The following MTHFD1L variants were observed in gnomAD, a reference collection of about 807,000 sequenced individuals.
The protein encoded by MTHFD1L is monofunctional C1-tetrahydrofolate synthase, mitochondrial.
Under a neutral mutation model 119.5 loss-of-function variants are expected in MTHFD1L, and 81 were observed. The ratio of observed to expected loss-of-function variants is 0.68; its 90% CI spans 0.57 to 0.82. The LOEUF (loss-of-function observed/expected upper bound fraction) is 0.82, where lower values mean the gene tolerates loss of function less well. Ranked by LOEUF, MTHFD1L falls within the 40% of genes least tolerant of loss-of-function variation. MTHFD1L has a pLI of 0.00. For synonymous variants in MTHFD1L, 430 were observed against 475.2 expected, an observed-to-expected ratio of 0.90 and a Z score of 1.24; for missense variants, 1,125 against 1,253.4, an observed-to-expected ratio of 0.90 and a Z score of 1.55.
intron 20 of MTHFD1L, among the ~76,000 whole-genome samples, chr6:150,988,959 C>T (rs924444140): frequency 2.0e-5 from 3 of 152,110 alleles, no homozygotes; most frequent in Admixed American, 6.6e-5. Flanking sequence ...AGGCTGGTGT[C>T]GAACTCCTGA....
At chr6:151,022,258 G>T (rs1421977945) in intron 24 of MTHFD1L, 1 of 322,856 alleles carries the variant, frequency 3.1e-6, no homozygotes, top group East Asian at 7.8e-5. Flanking sequence ...TCTTGAAAAT[G>T]CCAGCTGGAA....
intron 1 of MTHFD1L, among the ~76,000 whole-genome samples, chr6:150,868,923 G>A (rs1583276980): frequency 6.6e-6 from 1 of 152,128 alleles, no homozygotes; most frequent in South Asian, 2.1e-4. Flanking sequence ...AATTAACTGG[G>A]CGTGGCGCGT....
At chr6:151,062,331 G>T (rs1179546680) in intron 26 of MTHFD1L, among the ~76,000 whole-genome samples, 2 of 152,112 alleles carry the variant, frequency 1.3e-5, no homozygotes, top group Non-Finnish European at 2.9e-5. Flanking sequence ...CCAGCTACTC[G>T]GGAGGCTGAG....
chr6:151,042,601 G>A (rs1787297231), intron 26 of MTHFD1L, among the ~76,000 whole-genome samples: 1 of 152,110 alleles, frequency 6.6e-6, no homozygotes, highest in Non-Finnish European at 1.5e-5. Context: ...TCTTTGTCTT[G>A]TGGTCACATG....
chr6:150,934,695 G>A (rs1791740607), intron 11 of MTHFD1L, among the ~76,000 whole-genome samples: 1 of 152,162 alleles, frequency 6.6e-6, no homozygotes. Context: ...GATTGGTTGT[G>A]GTTGAGTATC....
chr6:150,947,161 G>A (rs1454369250), intron 15 of MTHFD1L, among the ~76,000 whole-genome samples: 1 of 149,098 alleles, frequency 6.7e-6, no homozygotes. Context: ...GCAATGGCAC[G>A]ATCTCGGCTC....
At chr6:150,960,198 TG>T in intron 17 of MTHFD1L, 76 bp from the exon 18 acceptor site, 1 of 1,515,124 alleles carries the variant, frequency 6.6e-7, no homozygotes, top group Non-Finnish European at 8.8e-7. Flanking sequence ...GCTTCATGGC[TG>T]AAGTCCAGCT....
chr6:150,914,663 T>C (rs1156855850), intron 8 of MTHFD1L, among the ~76,000 whole-genome samples: 1 of 152,172 alleles, frequency 6.6e-6, no homozygotes, highest in Admixed American at 6.5e-5. Context: ...CTGTAAATAA[T>C]AACAGTAATA....
rs74451809 is a variant in MTHFD1L at position 150,922,256 on chromosome 6, T to C, written c.1036T>C (p.Trp346Arg). 6.2e-7 allele frequency: 1 copy of C among 1,613,712 alleles called. No homozygotes were observed. Among genetic ancestry groups the C allele is most frequent in the Non-Finnish European group, 8.5e-7 (1 of 1,179,650 alleles). Reference sequence around the variant, plus strand: ...GCTTCGTGAACAGCAGCACAGGCGGTGGAGACTTCACTGCTTGAAACTTCA... The same window carrying C: ...GCTTCGTGAACAGCAGCACAGGCGGCGGAGACTTCACTGCTTGAAACTTCA... ...RWLREQQHRR[W>R]RLHCLKLQPL... Residue 346 changes from tryptophan (W) to arginine (R), a missense_variant, in exon 10 of 28, where the codon TGG becomes CGG. Trp to Arg is a moderately radical substitution (Grantham distance 101, BLOSUM62 -3). Around this residue, in one of 3 missense-constraint regions of MTHFD1L, gnomAD observed 1,058 missense variants for 1,151.2 expected, o/e 0.92. Transcript: ENST00000367321.
At position 150,963,364 on chromosome 6, in the gene MTHFD1L, G is replaced by T. The variant is rs1796733826; in HGVS notation, c.1945-1605G>T. ...GTATTCCTGAAAATTGCTAAGAGTG[G>T]TTATAAAGTATTCTCACCACCAAAA... On this transcript the variant is annotated intron_variant, in intron 18 of 27. Coordinates refer to ENST00000367321, the MANE Select transcript of MTHFD1L (RefSeq NM_015440.5). 4.8e-5 allele frequency among the ~76,000 whole-genome samples: 7 copies of T among 144,956 alleles called. No homozygotes were observed. In the South Asian group the frequency reaches 1.6e-3, roughly 32 times the overall value.
intron 20 of MTHFD1L, among the ~76,000 whole-genome samples, chr6:150,986,167 A>G (rs1046246833): frequency 6.6e-6 from 1 of 152,220 alleles, no homozygotes; most frequent in African/African-American, 2.4e-5. Context: ...GTAGTTTTAC[A>G]CAGTGAATTT....
chr6:150,984,745 A>G (rs1043626494), intron 20 of MTHFD1L, among the ~76,000 whole-genome samples: 1 of 152,234 alleles, frequency 6.6e-6, no homozygotes, highest in Non-Finnish European at 1.5e-5. Context: ...TTTCTTAAAG[A>G]TCAACATGGT....
intron 20 of MTHFD1L, among the ~76,000 whole-genome samples, chr6:150,991,865 A>C (rs1779108603): frequency 6.6e-6 from 1 of 152,232 alleles, no homozygotes; most frequent in Non-Finnish European, 1.5e-5. Flanking sequence ...AGAAGATGGC[A>C]CTGAGGCGAG....
At chr6:151,020,699 T>A (rs1399652179) in intron 24 of MTHFD1L, among the ~76,000 whole-genome samples, 2 of 152,214 alleles carry the variant, frequency 1.3e-5, no homozygotes, top group Non-Finnish European at 2.9e-5. Context: ...TCTCTACCCT[T>A]GAGGGTGATT....
intron 26 of MTHFD1L, among the ~76,000 whole-genome samples, chr6:151,052,219 A>C (rs1174065525): frequency 1.3e-5 from 2 of 152,220 alleles, no homozygotes; most frequent in African/African-American, 2.4e-5. Flanking sequence ...AGACAGTTAG[A>C]AATCAATTTT....
At chr6:150,911,029 C>T (rs1468963576) in intron 8 of MTHFD1L, among the ~76,000 whole-genome samples, 3 of 152,118 alleles carry the variant, frequency 2.0e-5, no homozygotes, top group Admixed American at 2.0e-4. Context: ...TTGTACCTAT[C>T]ACTGTTTTCT....
intron 20 of MTHFD1L, among the ~76,000 whole-genome samples, chr6:151,007,155 A>T (rs1781522264): frequency 6.6e-6 from 1 of 151,580 alleles, no homozygotes; most frequent in African/African-American, 2.4e-5. Flanking sequence ...TGCCATACCC[A>T]ACTCCACATT....
chr6:150,887,914 G>T lies in MTHFD1L; in HGVS notation c.713G>T (p.Cys238Phe). The change falls in exon 7 of 28, where the codon TGC becomes TTC. Residue 238 changes from cysteine (C) to phenylalanine (F), a missense_variant. Cys to Phe is a radical substitution (Grantham distance 205). Coordinates refer to ENST00000367321, the MANE Select transcript of MTHFD1L (RefSeq NM_015440.5). ...GGGTCTTTGGAAGCTGCTCTACAAT[G>T]CCTGTTCCAGAGAAAAGGGTCCATG... ...AHGSLEAALQ[C>F]LFQRKGSMTM... 1 of 1,611,034 alleles carries T rather than the reference G, an allele frequency of 6.2e-7. No homozygotes were observed. Among genetic ancestry groups the T allele is most frequent in the Non-Finnish European group, 8.5e-7 (1 of 1,178,920 alleles).
intron 20 of MTHFD1L, among the ~76,000 whole-genome samples, chr6:150,994,628 AGCCCACCCTTTCATTCTTCTGT>A (rs1779577392): frequency 6.6e-6 from 1 of 152,240 alleles, no homozygotes; most frequent in Admixed American, 6.5e-5. Flanking sequence ...CAAACTGACC[AGCCCACCCTTTCATTCTTCTGT>A]GCATCACAGA....
Sources: allele counts gnomAD v4.1 joint callset (sites outside exome capture counted in the v4.1 genomes callset), GRCh38; gene constraint gnomAD v4.1.1; regional missense constraint gnomAD v4.1.1; transcripts MANE v1.5; gene names NCBI Gene and HGNC (gene_info 2026-07-23, HGNC 2026-07-21).